Variants in MRM3 observed in about 807,000 individuals in gnomAD.
MRM3 encodes the protein mitochondrial rRNA methyltransferase 3.
Under a neutral mutation model 29.4 loss-of-function variants are expected in MRM3, and 26 were observed. That is an observed-to-expected ratio of 0.89 (90% CI 0.65 to 1.23). MRM3 has a LOEUF of 1.23. MRM3 is among the 50% of genes most tolerant of loss of function. The pLI is 0.00. For missense variants in MRM3, 578 were observed against 540.2 expected (o/e 1.07, Z -0.69); for synonymous variants, 225 against 219.0 (o/e 1.03, Z -0.24).
chr17:783,861 C>A (rs368741958), intron 2 of MRM3, among the ~76,000 whole-genome samples: 1 of 152,194 alleles, frequency 6.6e-6, no homozygotes, highest in Non-Finnish European at 1.5e-5. Flanking sequence ...CTCAAACCTT[C>A]TATTTTTTAG....
Position 782,679 on chromosome 17 carries a change from G to T in MRM3, c.301G>T (p.Asp101Tyr), listed in dbSNP as rs772456162. 1.9e-6 allele frequency: 3 copies of T among 1,603,194 alleles called. No individual in the cohort carries two copies. Among genetic ancestry groups the T allele is most frequent in the Non-Finnish European group, 2.6e-6 (3 of 1,171,764 alleles). ...TCGCTACGATAAAGCTTATCCCGGG[G>T]ACAGGAGGCTGAGGTGATGTGGTTC... ...GLRYDKAYPG[D>Y]RRLSSVMTIV... Residue 101 changes from aspartate to tyrosine, a missense_variant, in exon 1 of 4, where the codon GAC becomes TAC. Transcript: ENST00000304478.
intron 3 of MRM3, chr17:789,947 C>G (rs375025678): frequency 6.6e-6 from 1 of 152,256 alleles, no homozygotes; most frequent in Non-Finnish European, 1.5e-5. Flanking sequence ...CAGCCTCGGC[C>G]GCTCCTCTCA....
chr17:783,783 AT>A lies in MRM3; in HGVS notation c.559+458del, dbSNP rs570512313. Among the ~76,000 whole-genome samples the A allele has an allele frequency of 3.3e-5, 5 of 152,354 alleles. No individual in the cohort carries two copies. In the South Asian group the frequency reaches 1.0e-3, roughly 32 times the overall value. The stretch of plus-strand genomic sequence containing the variant: ...GTATCTTAGAGTATTTTCAATGGAA[AT>A]TGAAACCCGTTTTTCACTATCATTT... On this transcript the variant is annotated intron_variant, in intron 2 of 3. Transcript: ENST00000304478.
chr17:789,496 G>A (rs958869783), intron 3 of MRM3, among the ~76,000 whole-genome samples: 5 of 152,192 alleles, frequency 3.3e-5, no homozygotes, highest in African/African-American at 7.2e-5. Context: ...GTTGGAGCAC[G>A]CCTAAAATGT....
At chr17:783,017 C>G in intron 1 of MRM3, 66 bp from the exon 2 acceptor site, 3 of 1,544,710 alleles carry the variant, frequency 1.9e-6, no homozygotes, top group South Asian at 2.5e-5. Context: ...TCTGTTACAA[C>G]TAAGCGTGTC....
rs887158331 is a variant in MRM3 at position 787,327 on chromosome 17, A to T, written c.560-638A>T. The stretch of plus-strand genomic sequence containing the variant: ...TATTGACATGGTAAGTTCAAGATAT[A>T]TTGTTGCGTAAATAAGTCGATTACA... On this transcript the variant is annotated intron_variant, in intron 2 of 3. Transcript: ENST00000304478. The surrounding 1 kb of genome is among the most constrained non-coding windows in gnomAD (Gnocchi z 4.1). 6.6e-6 allele frequency among the ~76,000 whole-genome samples: 1 copy of T among 152,192 alleles called. No individual in the cohort carries two copies. The highest frequency in any genetic ancestry group is 2.4e-5 in the African/African-American group (1 of 41,450).
At position 787,979 on chromosome 17, in the gene MRM3, C is replaced by A; in HGVS notation, c.574C>A (p.Pro192Thr). The change falls in exon 3 of 4, where the codon CCT becomes ACT. Residue 192 changes from proline to threonine, a missense_variant. Pro to Thr is a conservative substitution (Grantham distance 38). Transcript: ENST00000304478. The surrounding 1 kb of genome is among the most constrained non-coding windows in gnomAD (Gnocchi z 4.1). ...TGTTTCCTCAGGGATTTTTGCCAAG[C>A]CTGACCATGTTAAGATGACATATCC... ...PQGIMGIFAK[P>T]DHVKMTYPKT... 2 of 1,613,686 alleles carry A rather than the reference C, an allele frequency of 1.2e-6. No individual in the cohort carries two copies. Among genetic ancestry groups the A allele is most frequent in the African/African-American group, 1.3e-5 (1 of 75,048 alleles).
chr17:789,969 C>T (rs1273394496), intron 3 of MRM3: 2 of 152,288 alleles, frequency 1.3e-5, no homozygotes, highest in African/African-American at 2.4e-5. Flanking sequence ...ACGCCTGGGC[C>T]TATCTCTGGT....
intron 3 of MRM3, chr17:790,451 G>C (rs1031337806): frequency 6.0e-6 from 1 of 167,286 alleles, no homozygotes; most frequent in African/African-American, 2.4e-5. Context: ...CCCATAGGAG[G>C]CCTCCTCCGT....
At chr17:783,711 T>A (rs1910373959) in intron 2 of MRM3, among the ~76,000 whole-genome samples, 1 of 152,220 alleles carries the variant, frequency 6.6e-6, no homozygotes, top group African/African-American at 2.4e-5. Flanking sequence ...AGCATTGAAA[T>A]GAAATTCAAA....
rs373136858 is a variant in MRM3, at chr17:783,283, A to C, written c.515A>C (p.Asp172Ala). The change falls in exon 2 of 4, where the codon GAT becomes GCT. Residue 172 changes from aspartate to alanine, a missense_variant. By Grantham distance (126) the Asp-to-Ala change is moderately radical. Coordinates refer to ENST00000304478, the MANE Select transcript of MRM3 (RefSeq NM_018146.4). ...AGCCTCATTAAGGTGAAATTTGAGG[A>C]TATCAAGGATTGGTCCGACCTCGTA... ...GVSLIKVKFE[D>A]IKDWSDLVTP... 1 of 1,613,480 alleles carries C rather than the reference A, an allele frequency of 6.2e-7. No homozygotes were observed. Among genetic ancestry groups the C allele is most frequent in the African/African-American group, 1.3e-5 (1 of 74,792 alleles).
chr17:791,927 G>T lies in MRM3; in HGVS notation c.1121G>T (p.Gly374Val), dbSNP rs750017977. 1.2e-6 allele frequency: 2 copies of T among 1,613,966 alleles called. No individual in the cohort carries two copies. Among genetic ancestry groups the T allele is most frequent in the Admixed American group, 1.7e-5 (1 of 60,006 alleles). ...LESLQLAEST[G>V]GKRLLIPVVP... Reference sequence around the variant, plus strand: ...TCCCTGCAGCTGGCCGAGAGCACTGGTGGCAAGAGGCTGCTGATCCCCGTT... The same window carrying T: ...TCCCTGCAGCTGGCCGAGAGCACTGTTGGCAAGAGGCTGCTGATCCCCGTT... The change falls in exon 4 of 4, where the codon GGT (glycine) becomes GTT (valine). Residue 374 changes from glycine to valine, a missense_variant. Transcript: ENST00000304478.
intron 3 of MRM3, among the ~76,000 whole-genome samples, chr17:790,987 ACCT>A (rs1281953270): frequency 2.1e-5 from 3 of 142,626 alleles, no homozygotes; most frequent in Admixed American, 7.3e-5. Context: ...TGGCTGGCTC[ACCT>A]CCTGTGCCGC....
chr17:783,348 T>TG, intron 2 of MRM3, 21 bp downstream of exon 2: 3 of 1,435,854 alleles, frequency 2.1e-6, no homozygotes, highest in Non-Finnish European at 1.8e-6. Context: ...ACCCAGTGTA[T>TG]CTTTTTTTTT....
chr17:783,173 C>G lies in MRM3; in HGVS notation c.405C>G (p.Leu135=), dbSNP rs1226351620. The change falls in exon 2 of 4, where the codon CTC becomes CTG. Residue 135 remains leucine (L), a synonymous_variant. Coordinates refer to ENST00000304478, the MANE Select transcript of MRM3 (RefSeq NM_018146.4). The part of the protein sequence containing the change: ...LEGRRLISDA[L]KAGAVPKMFF... ...GTCGCAGGCTCATTTCAGACGCTCT[C>G]AAGGCTGGAGCTGTGCCAAAAATGT... 1 of 1,614,088 alleles carries G rather than the reference C, an allele frequency of 6.2e-7. No homozygotes were observed. Among genetic ancestry groups the G allele is most frequent in the South Asian group, 1.1e-5 (1 of 91,088 alleles).
At chr17:790,273 T>A (rs1910728749) in intron 3 of MRM3, 1 of 152,496 alleles carries the variant, frequency 6.6e-6, no homozygotes, top group African/African-American at 2.4e-5. Context: ...CGGGGTTGCC[T>A]CTTGCCTCAT....
At chr17:788,187 GGAGGCC>G in intron 3 of MRM3, 55 bp downstream of exon 3, 3 of 1,583,310 alleles carry the variant, frequency 1.9e-6, no homozygotes, top group Non-Finnish European at 2.6e-6. Flanking sequence ...CAGCCCTTTG[GGAGGCC>G]GAGGCAGGAG....
Position 782,573 on chromosome 17 carries a change from C to CAGT in MRM3, c.196_198dup (p.Ser66dup), listed in dbSNP as rs1170994629. On this transcript the variant is annotated inframe_insertion, in exon 1 of 4. Coordinates refer to ENST00000304478, the MANE Select transcript of MRM3 (RefSeq NM_018146.4). ...AGCCCCGCAAGGCACCATCTGAGGC[C>CAGT]AGTGCCCAGGAGCAACGAGAGAAAC... is the stretch of plus-strand genomic sequence containing the variant. 1.2e-6 allele frequency: 2 copies of CAGT among 1,613,966 alleles called. No homozygotes were observed. The highest frequency in any genetic ancestry group is 2.7e-5 in the African/African-American group (2 of 74,950).
chr17:792,310 CTG>C lies in MRM3; in HGVS notation c.*247_*248del, dbSNP rs112379334. ...GTGACAATAGGTGACCCACGTGGCT[CTG>C]TGTGTTTTTAAAAATTGTCCACCAA... On this transcript the variant is annotated 3_prime_UTR_variant, in exon 4 of 4. Coordinates refer to ENST00000304478, the MANE Select transcript of MRM3 (RefSeq NM_018146.4). 3 of 438,596 alleles carry C rather than the reference CTG, an allele frequency of 6.8e-6. No homozygotes were observed. The highest frequency in any genetic ancestry group is 9.6e-5 in the South Asian group (2 of 20,854). 27.2% of individuals were successfully genotyped at this position (438,596 alleles called of 1,614,324 possible).
Sources: gnomAD v4.1 joint callset for allele counts (sites outside exome capture counted in the v4.1 genomes callset) on GRCh38, gnomAD v4.1.1 for gene constraint, Gnocchi (gnomAD v3.1) non-coding constraint, MANE v1.5 for transcripts, NCBI Gene and HGNC (gene_info 2026-07-23, HGNC 2026-07-21) for gene names.